The following MECOM variants were observed in gnomAD, a reference collection of about 807,000 sequenced individuals.
The protein encoded by MECOM is MDS1 and EVI1 complex locus.
Under a neutral mutation model 116.3 loss-of-function variants are expected in MECOM, and 13 were observed. The ratio of observed to expected loss-of-function variants is 0.11; its 90% CI spans 0.07 to 0.18. The LOEUF is 0.18. Among genes scored for constraint, MECOM ranks in the 10% least tolerant of loss-of-function variants. The pLI, the probability that MECOM is intolerant of heterozygous loss-of-function variation, is 1.00. For synonymous variants in MECOM, 528 were observed against 535.2 expected (o/e 0.99, Z 0.19); for missense variants, 1,299 against 1,509.0 (o/e 0.86, Z 2.31).
chr3:169,566,295 G>A (rs577604479), intron 1 of MECOM, among the ~76,000 whole-genome samples: 1 of 152,258 alleles, frequency 6.6e-6, no homozygotes, highest in East Asian at 1.9e-4. Context: ...CATGAAGACT[G>A]TGGAAAGAGG....
Position 169,524,038 on chromosome 3 carries a change from A to AT in MECOM, c.37+139297_37+139298insA, listed in dbSNP as rs1491117901. ...TACACATACATGTATGTATATGAAT[A>AT]AATATATATATATATATATATATAT... is the stretch of plus-strand genomic sequence containing the variant. On this transcript the variant is annotated intron_variant, in intron 1 of 16. Coordinates refer to ENST00000651503, the MANE Select transcript of MECOM (RefSeq NM_004991.4). Among the ~76,000 whole-genome samples the AT allele has an allele frequency of 2.7e-3, 280 of 103,024 alleles. 4 individuals carry two copies. Among genetic ancestry groups the AT allele is most frequent in the African/African-American group, 9.4e-3 (269 of 28,610 alleles). The allele number at this position is 103,024 out of a possible 152,430, so 67.6% of individuals were successfully genotyped here. A position where few individuals can be genotyped will look rare whatever the true frequency, so the allele number is the denominator to read the frequency against.
rs1370199111 is a variant in MECOM at position 169,477,093 on chromosome 3, GTGTGTGTGTGTGTA to G, written c.38-95583_38-95570del. ...CTGGATAAGTAAGATGTGTGTGTGTGTGTGTGTGTGTGTATATATATATATATATATATATATAT... is the reference window on the plus strand; with the variant it reads ...CTGGATAAGTAAGATGTGTGTGTGTGTATATATATATATATATATATATAT... On this transcript the variant is annotated intron_variant, in intron 1 of 16. Coordinates refer to ENST00000651503, the MANE Select transcript of MECOM (RefSeq NM_004991.4). The G allele has an allele frequency of 5.4e-5, 3 of 56,070 alleles. No homozygotes were observed. The East Asian group carries it at 1.2e-3, about 21-fold the overall frequency. 3.5% of individuals were successfully genotyped at this position (56,070 alleles called of 1,614,324 possible).
chr3:169,297,648 TA>T (rs901930359), intron 2 of MECOM, among the ~76,000 whole-genome samples: 9 of 150,046 alleles, frequency 6.0e-5, no homozygotes, highest in Non-Finnish European at 1.2e-4. Flanking sequence ...AATATTATTT[TA>T]AAAAAAATCA....
chr3:169,191,748 AAGAAAG>A (rs1559973725), intron 2 of MECOM, among the ~76,000 whole-genome samples: 1 of 127,752 alleles, frequency 7.8e-6, no homozygotes, highest in Non-Finnish European at 1.7e-5. Flanking sequence ...AAGAGAAAGA[AAGAAAG>A]AAAGAAAGAA....
chr3:169,090,382 C>T (rs2148852097), intron 14 of MECOM, 146 bp from the exon 15 acceptor site: 1 of 669,860 alleles, frequency 1.5e-6, no homozygotes, highest in East Asian at 2.8e-5. Context: ...CTACGTCAAC[C>T]ATGAAAAAAT....
chr3:169,550,027 GA>G (rs1347687680), intron 1 of MECOM, among the ~76,000 whole-genome samples: 1 of 152,154 alleles, frequency 6.6e-6, no homozygotes, highest in Non-Finnish European at 1.5e-5. Flanking sequence ...AAGATAAGGG[GA>G]AAATAAGGAG....
intron 1 of MECOM, among the ~76,000 whole-genome samples, chr3:169,534,026 A>G (rs2109170065): frequency 6.6e-6 from 1 of 152,326 alleles, no homozygotes; most frequent in Admixed American, 6.5e-5. Flanking sequence ...TTCCCTGCCA[A>G]TGCAAATCAA....
intron 2 of MECOM, among the ~76,000 whole-genome samples, chr3:169,231,869 T>A (rs2149523280): frequency 6.6e-6 from 1 of 152,292 alleles, no homozygotes; most frequent in Middle Eastern, 3.4e-3. Flanking sequence ...TATCTACAGA[T>A]CCTATATACT....
chr3:169,122,831 G>T (rs942190620), intron 5 of MECOM, 104 bp from the exon 6 acceptor site: 5 of 1,317,142 alleles, frequency 3.8e-6, no homozygotes, highest in African/African-American at 1.5e-5. Flanking sequence ...AGAAGGAAAA[G>T]GAGTTGAACT....
At chr3:169,444,751 C>T (rs1340797284) in intron 1 of MECOM, among the ~76,000 whole-genome samples, 4 of 152,218 alleles carry the variant, frequency 2.6e-5, no homozygotes, top group East Asian at 1.9e-4. Context: ...CAGAAGAAGA[C>T]AGGACAATGT....
At chr3:169,560,235 C>A (rs1411620194) in intron 1 of MECOM, among the ~76,000 whole-genome samples, 1 of 152,026 alleles carries the variant, frequency 6.6e-6, no homozygotes, top group Non-Finnish European at 1.5e-5. Flanking sequence ...TTATCTTTTT[C>A]TTTTAAAGCC....
intron 2 of MECOM, among the ~76,000 whole-genome samples, chr3:169,299,763 T>C (rs955686109): frequency 6.6e-6 from 1 of 152,190 alleles, no homozygotes; most frequent in South Asian, 2.1e-4. Context: ...TAGCTAAACA[T>C]TTTTTCTGGT....
At chr3:169,263,391 G>T (rs1757861603) in intron 2 of MECOM, among the ~76,000 whole-genome samples, 1 of 151,560 alleles carries the variant, frequency 6.6e-6, no homozygotes, top group Non-Finnish European at 1.5e-5. Context: ...GCCTCCCAAA[G>T]TGCTGGGATT....
At chr3:169,388,693 A>C (rs966724598) in intron 1 of MECOM, among the ~76,000 whole-genome samples, 4 of 152,178 alleles carry the variant, frequency 2.6e-5, no homozygotes, top group Non-Finnish European at 5.9e-5. Flanking sequence ...AGAAGAAAAG[A>C]GACTTAAATG....
At chr3:169,663,208 T>C in intron 1 of MECOM, 128 bp downstream of exon 1, 1 of 1,076,870 alleles carries the variant, frequency 9.3e-7, no homozygotes, top group Non-Finnish European at 1.4e-6. Flanking sequence ...GGGGCTGCGC[T>C]CCGCCTGCCC....
intron 2 of MECOM, among the ~76,000 whole-genome samples, chr3:169,184,796 A>G (rs1272544238): frequency 6.6e-6 from 1 of 152,214 alleles, no homozygotes; most frequent in Non-Finnish European, 1.5e-5. Context: ...TCAAATGGAA[A>G]GGAGACCATT....
intron 2 of MECOM, among the ~76,000 whole-genome samples, chr3:169,154,577 T>G (rs759046029): frequency 4.6e-5 from 7 of 152,200 alleles, no homozygotes; most frequent in Non-Finnish European, 1.0e-4. Flanking sequence ...AAGTCCTTGA[T>G]GTTAATCCTC....
intron 1 of MECOM, among the ~76,000 whole-genome samples, chr3:169,485,913 ATG>A (rs1491563009): frequency 0.057 from 3,787 of 66,194 alleles, 111 homozygotes; most frequent in South Asian, 0.11. Context: ...GTATATATGT[ATG>A]TATATATAGT....
intron 2 of MECOM, among the ~76,000 whole-genome samples, chr3:169,229,977 C>A (rs1753179099): frequency 6.6e-6 from 1 of 152,110 alleles, no homozygotes; most frequent in Admixed American, 6.6e-5. Flanking sequence ...AAACAGCAGA[C>A]TTAATTGCAT....
Sources: gnomAD v4.1 joint callset for allele counts (sites outside exome capture counted in the v4.1 genomes callset) on GRCh38, gnomAD v4.1.1 for gene constraint, MANE v1.5 for transcripts, NCBI Gene and HGNC (gene_info 2026-07-23, HGNC 2026-07-21) for gene names.